Variants in NBEA observed in about 807,000 individuals in gnomAD.
NBEA encodes neurobeachin, also known as lysosomal-trafficking regulator 2.
NBEA carries 44 observed loss-of-function variants against 343.4 expected under a neutral mutation model. The ratio of observed to expected loss-of-function variants is 0.13; its 90% confidence interval spans 0.10 to 0.16. The LOEUF (loss-of-function observed/expected upper bound fraction) is 0.16, where lower values mean the gene tolerates loss of function less well. Among genes scored for constraint, NBEA ranks in the 10% least tolerant of loss-of-function variants. NBEA has a pLI of 1.00. For synonymous variants in NBEA, 1,175 were observed against 1,238.7 expected, an observed-to-expected ratio of 0.95 and a Z score of 1.08; for missense variants, 2,555 against 3,631.3, an observed-to-expected ratio of 0.70 and a Z score of 7.62.
At chr13:35,015,119 C>A (rs531708708) in intron 1 of NBEA, among the ~76,000 whole-genome samples, 1 of 71,970 alleles carries the variant, frequency 1.4e-5, no homozygotes, top group African/African-American at 5.6e-5. Flanking sequence ...CAAAAAGCAA[C>A]GAGATCTGAA....
chr13:35,496,151 T>C (rs1229058812), intron 41 of NBEA, among the ~76,000 whole-genome samples: 1 of 151,988 alleles, frequency 6.6e-6, no homozygotes, highest in East Asian at 1.9e-4. Context: ...TAGGCAGTAT[T>C]GTACTTCCCT....
intron 49 of NBEA, among the ~76,000 whole-genome samples, chr13:35,635,225 TC>T (rs1566439878): frequency 1.3e-5 from 2 of 151,928 alleles, no homozygotes; most frequent in Non-Finnish European, 2.9e-5. Context: ...CAGCCTTTCC[TC>T]CCCCCATTTC....
At chr13:35,394,893 A>C (rs1207990747) in intron 38 of NBEA, among the ~76,000 whole-genome samples, 1 of 152,124 alleles carries the variant, frequency 6.6e-6, no homozygotes, top group Non-Finnish European at 1.5e-5. Context: ...TAAATATTTA[A>C]AGCTGTAAGT....
chr13:35,458,138 A>C (rs936865892), intron 40 of NBEA, among the ~76,000 whole-genome samples: 4 of 152,176 alleles, frequency 2.6e-5, no homozygotes, highest in African/African-American at 9.7e-5. Context: ...TAACTTTTAG[A>C]CTATTTACCG....
chr13:35,664,072 G>A lies in NBEA; in HGVS notation c.8363-1013G>A, dbSNP rs2085233457. The stretch of plus-strand genomic sequence containing the variant: ...TTACTGGGTAAGGCCTTGTGATTAT[G>A]CACTTTCCTCATGAACTCTCTGTGG... On this transcript the variant is annotated intron_variant, in intron 55 of 58. Transcript: ENST00000379939. Among the ~76,000 whole-genome samples the A allele has an allele frequency of 2.0e-5, 3 of 152,214 alleles. No homozygotes were observed. The South Asian group carries it at 6.2e-4, about 32-fold the overall frequency.
intron 34 of NBEA, among the ~76,000 whole-genome samples, chr13:35,244,796 G>T (rs1429099553): frequency 3.9e-5 from 6 of 151,976 alleles, no homozygotes; most frequent in African/African-American, 1.4e-4. Flanking sequence ...ATTTCCTTCA[G>T]CAGTGTTTTG....
intron 38 of NBEA, among the ~76,000 whole-genome samples, chr13:35,356,604 A>T (rs1446548850): frequency 6.6e-6 from 1 of 152,186 alleles, no homozygotes; most frequent in Non-Finnish European, 1.5e-5. Flanking sequence ...ATATTCTTCC[A>T]TATTAGAGTG....
intron 38 of NBEA, among the ~76,000 whole-genome samples, chr13:35,423,713 G>T (rs1201649623): frequency 6.6e-6 from 1 of 152,098 alleles, no homozygotes; most frequent in Non-Finnish European, 1.5e-5. Flanking sequence ...TGATGGGGAT[G>T]GCATTGAATC....
At chr13:35,454,609 C>T (rs1239482743) in intron 40 of NBEA, among the ~76,000 whole-genome samples, 3 of 152,024 alleles carry the variant, frequency 2.0e-5, no homozygotes, top group African/African-American at 7.2e-5. Flanking sequence ...ACCTGTAATC[C>T]CATCACTTTG....
chr13:35,498,434 G>GAC (rs2076765641), intron 41 of NBEA, among the ~76,000 whole-genome samples: 4 of 151,994 alleles, frequency 2.6e-5, no homozygotes, highest in Admixed American at 2.6e-4. Flanking sequence ...AAGCCATAGT[G>GAC]ACACATAGCT....
At chr13:35,534,704 T>G (rs181140493) in intron 41 of NBEA, among the ~76,000 whole-genome samples, 4 of 152,276 alleles carry the variant, frequency 2.6e-5, no homozygotes, top group Admixed American at 2.6e-4. Context: ...CTATCAATCT[T>G]ACAGATAAAG....
intron 11 of NBEA, among the ~76,000 whole-genome samples, chr13:35,105,491 G>A (rs1478542931): frequency 6.6e-6 from 1 of 152,046 alleles, no homozygotes; most frequent in African/African-American, 2.4e-5. Context: ...AGGTCACAAG[G>A]CTGCCAGAGA....
chr13:35,358,803 A>T (rs780393377), intron 38 of NBEA, among the ~76,000 whole-genome samples: 28 of 152,214 alleles, frequency 1.8e-4, no homozygotes, highest in Non-Finnish European at 4.0e-4. Context: ...AGGAGCACAT[A>T]AAACAGAGGA....
At position 35,573,236 on chromosome 13, in the gene NBEA, A is replaced by T. The variant is rs567213027; in HGVS notation, c.7035+6219A>T. On this transcript the variant is annotated intron_variant, in intron 45 of 58. Transcript: ENST00000379939. ...CATGAGATATTCATTTATTTAAATT[A>T]ATACTTTTATTCATTCACTCATTCT... Among the ~76,000 whole-genome samples, 15 of 152,326 alleles carry T rather than the reference A, an allele frequency of 9.8e-5. 1 individual carries two copies. In the South Asian group the frequency reaches 3.1e-3, roughly 32 times the overall value.
At chr13:35,479,815 G>C (rs944170372) in intron 41 of NBEA, among the ~76,000 whole-genome samples, 4 of 151,946 alleles carry the variant, frequency 2.6e-5, no homozygotes, top group African/African-American at 9.7e-5. Context: ...TCATGCTTTA[G>C]GATGTAAATA....
At chr13:35,369,769 G>T (rs1436971446) in intron 38 of NBEA, among the ~76,000 whole-genome samples, 1 of 151,808 alleles carries the variant, frequency 6.6e-6, no homozygotes, top group Non-Finnish European at 1.5e-5. Flanking sequence ...GGTTTTTCTA[G>T]ATATAAGATT....
intron 8 of NBEA, 24 bp from the exon 9 acceptor site, chr13:35,069,883 GT>G (rs898152433): frequency 1.3e-6 from 2 of 1,499,570 alleles, no homozygotes; most frequent in African/African-American, 2.8e-5. Context: ...TAAAAAGAGT[GT>G]TTACCTTAGT....
intron 30 of NBEA, among the ~76,000 whole-genome samples, chr13:35,195,165 A>G (rs954006818): frequency 1.3e-5 from 2 of 152,124 alleles, no homozygotes; most frequent in Non-Finnish European, 2.9e-5. Context: ...TAAGGAAACT[A>G]ATAGAGAAAT....
intron 55 of NBEA, among the ~76,000 whole-genome samples, chr13:35,662,976 T>G (rs1432295576): frequency 6.6e-6 from 1 of 152,126 alleles, no homozygotes; most frequent in African/African-American, 2.4e-5. Context: ...TACAAATACT[T>G]TTTTAGAGAT....
Sources: allele counts gnomAD v4.1 joint callset (sites outside exome capture counted in the v4.1 genomes callset), GRCh38; gene constraint gnomAD v4.1.1; transcripts MANE v1.5; gene names NCBI Gene and HGNC (gene_info 2026-07-23, HGNC 2026-07-21).